Variants in TALDO1 observed in about 807,000 individuals in gnomAD.
TALDO1 encodes the protein transaldolase.
A neutral mutation model predicts 38.1 loss-of-function variants in TALDO1; 29 were observed. The observed-to-expected ratio is 0.76, with a 90% confidence interval of 0.57 to 1.04. The LOEUF (loss-of-function observed/expected upper bound fraction) is 1.04, where lower values mean the gene tolerates loss of function less well. TALDO1 is among the 50% of genes least tolerant of loss of function. The pLI, the probability that TALDO1 is intolerant of heterozygous loss-of-function variation, is 0.00. For missense variants in TALDO1, 499 were observed against 438.1 expected (o/e 1.14, Z -1.24); for synonymous variants, 207 against 176.8 (o/e 1.17, Z -1.36).
chr11:759,099 T>G (rs758959534), intron 3 of TALDO1, 42 bp downstream of exon 3: 16 of 1,549,178 alleles, frequency 1.0e-5, no homozygotes, highest in Non-Finnish European at 1.4e-5. Flanking sequence ...TGGTCAGGTG[T>G]CCACAGTTGC....
At chr11:750,474 T>G (rs1034106817) in intron 1 of TALDO1, among the ~76,000 whole-genome samples, 53 of 147,700 alleles carry the variant, frequency 3.6e-4, no homozygotes, top group African/African-American at 1.3e-3. Flanking sequence ...GGAGACAAAG[T>G]GAGACCCTGT....
chr11:762,165 T>C (rs1357544675), intron 4 of TALDO1, among the ~76,000 whole-genome samples: 1 of 151,970 alleles, frequency 6.6e-6, no homozygotes, highest in African/African-American at 2.4e-5. Flanking sequence ...GGGTTTCTCA[T>C]GTTAGTCAGG....
intron 1 of TALDO1, among the ~76,000 whole-genome samples, chr11:748,792 C>G (rs890189879): frequency 6.6e-6 from 1 of 152,222 alleles, no homozygotes; most frequent in African/African-American, 2.4e-5. Context: ...CTGTGAATCC[C>G]TCACACACAC....
chr11:760,329 A>C (rs958815319), intron 4 of TALDO1, 76 bp downstream of exon 4: 13 of 1,596,220 alleles, frequency 8.1e-6, no homozygotes, highest in East Asian at 4.5e-5. Context: ...GGCATCAGGC[A>C]AGTTTGACTC....
At chr11:750,744 G>A (rs1458605755) in intron 1 of TALDO1, among the ~76,000 whole-genome samples, 2 of 151,604 alleles carry the variant, frequency 1.3e-5, no homozygotes, top group African/African-American at 4.9e-5. Context: ...AGAATGGTGC[G>A]AACCTGGGAG....
At chr11:755,796 G>A in intron 1 of TALDO1, 83 bp from the exon 2 acceptor site, 2 of 1,607,046 alleles carry the variant, frequency 1.2e-6, no homozygotes, top group Non-Finnish European at 1.7e-6. Flanking sequence ...CTAACGTCCT[G>A]GGGAATTACA....
At chr11:763,133 C>G (rs1420639283) in intron 4 of TALDO1, among the ~76,000 whole-genome samples, 4 of 148,310 alleles carry the variant, frequency 2.7e-5, no homozygotes, top group Admixed American at 1.4e-4. Flanking sequence ...GTTTAAGGCC[C>G]GTGAGCGTCT....
At chr11:764,079 A>G (rs1590072222) in intron 6 of TALDO1, 135 bp downstream of exon 6, 3 of 1,342,094 alleles carry the variant, frequency 2.2e-6, no homozygotes, top group Admixed American at 4.1e-5. Context: ...GTAGACCTCA[A>G]CGGAGGGCTT....
intron 1 of TALDO1, among the ~76,000 whole-genome samples, chr11:748,165 C>T (rs754279312): frequency 1.3e-5 from 2 of 152,262 alleles, no homozygotes; most frequent in Non-Finnish European, 2.9e-5. Flanking sequence ...TTTTGTTGGG[C>T]TGATGTCTGC....
chr11:763,587 C>T (rs537305808), intron 5 of TALDO1, 68 bp downstream of exon 5: 29 of 1,598,240 alleles, frequency 1.8e-5, no homozygotes, highest in African/African-American at 9.4e-5. Flanking sequence ...AGGAAGAGCC[C>T]GAGACGGAGC....
chr11:747,620 C>T, intron 1 of TALDO1, 42 bp downstream of exon 1: 1 of 1,497,776 alleles, frequency 6.7e-7, no homozygotes, highest in Admixed American at 2.0e-5. Context: ...AAGCGCCCTC[C>T]AGAGGCCCCG....
At chr11:754,114 A>G (rs1862794450) in intron 1 of TALDO1, among the ~76,000 whole-genome samples, 1 of 151,874 alleles carries the variant, frequency 6.6e-6, no homozygotes, top group Admixed American at 6.6e-5. Flanking sequence ...CCTCCCGAGT[A>G]GCTGGGATTA....
At chr11:763,190 CCCCGCCCTCACCT>C (rs1862971910) in intron 4 of TALDO1, among the ~76,000 whole-genome samples, 141 bp from the exon 5 acceptor site, 3 of 114,974 alleles carry the variant, frequency 2.6e-5, no homozygotes, top group Admixed American at 1.8e-4. Flanking sequence ...CATTCACCTG[CCCCGCCCTCACCT>C]GCCCCGCCCT....
intron 4 of TALDO1, 48 bp from the exon 5 acceptor site, chr11:763,296 C>CG (rs1564994132): frequency 8.9e-6 from 5 of 560,472 alleles, no homozygotes; most frequent in South Asian, 7.7e-5. Context: ...CCGCCCTCAC[C>CG]TGTCCCCGCC....
At position 763,742 on chromosome 11, in the gene TALDO1, T is replaced by A. The variant is rs145230476; in HGVS notation, c.638-5T>A. The A allele has an allele frequency of 1.2e-6, 2 of 1,613,862 alleles. No individual in the cohort carries two copies. Among genetic ancestry groups the A allele is most frequent in the Non-Finnish European group, 1.7e-6 (2 of 1,179,990 alleles). On this transcript the variant is annotated splice_region_variant and splice_polypyrimidine_tract_variant and intron_variant, in intron 5 of 7. Coordinates refer to ENST00000319006, the MANE Select transcript of TALDO1 (RefSeq NM_006755.2). ...CTTCCTGGTCACAGCTTGGTCTCTTTCCAGGGGTAAAGAGTGTCACTAAAA... is the reference window on the plus strand; with the variant it reads ...CTTCCTGGTCACAGCTTGGTCTCTTACCAGGGGTAAAGAGTGTCACTAAAA...
intron 1 of TALDO1, among the ~76,000 whole-genome samples, chr11:751,690 G>A (rs1241930560): frequency 6.6e-6 from 1 of 152,162 alleles, no homozygotes; most frequent in Non-Finnish European, 1.5e-5. Flanking sequence ...AGCTACTCGA[G>A]AGGCTGAGGC....
chr11:757,853 T>G (rs909825336), intron 2 of TALDO1, among the ~76,000 whole-genome samples: 11 of 152,142 alleles, frequency 7.2e-5, no homozygotes, highest in Non-Finnish European at 1.5e-4. Context: ...TTTAAAATGG[T>G]GGGCTGGGGG....
At chr11:756,386 G>A in intron 2 of TALDO1, 1 of 229,964 alleles carries the variant, frequency 4.3e-6, no homozygotes. Context: ...CACCCAGGCT[G>A]GAGTATAGTG....
intron 1 of TALDO1, chr11:752,179 T>A (rs1017040202): frequency 2.0e-5 from 3 of 151,988 alleles, no homozygotes; most frequent in African/African-American, 4.8e-5. Flanking sequence ...ACGCCATTCT[T>A]CTGCCTCAGC....
Sources: gnomAD v4.1 joint callset for allele counts (sites outside exome capture counted in the v4.1 genomes callset) on GRCh38, gnomAD v4.1.1 for gene constraint, MANE v1.5 for transcripts, NCBI Gene and HGNC (gene_info 2026-07-23, HGNC 2026-07-21) for gene names.